Variants in TENM3 observed in about 807,000 individuals in gnomAD.
TENM3 encodes teneurin-3.
Under a neutral mutation model 255.1 loss-of-function variants are expected in TENM3, and 63 were observed. The observed-to-expected ratio is 0.25, with a 90% CI of 0.20 to 0.30. TENM3 has a LOEUF of 0.30. Among genes scored for constraint, TENM3 ranks in the 10% least tolerant of loss-of-function variants. TENM3 has a pLI of 1.00. For synonymous variants in TENM3, 1,306 were observed against 1,322.3 expected, an observed-to-expected ratio of 0.99 and a Z score of 0.27; for missense variants, 2,929 against 3,461.1, an observed-to-expected ratio of 0.85 and a Z score of 3.86.
At chr4:181,853,132 G>GA in the TENM3 span, among the ~76,000 whole-genome samples, 1 of 152,080 alleles carries the variant, frequency 6.6e-6, no homozygotes, top group African/African-American at 2.4e-5. Context: ...TTAGTGTTTA[G>GA]AAAAACTGAA....
At chr4:181,728,557 T>C in the TENM3 span, among the ~76,000 whole-genome samples, 2 of 152,186 alleles carry the variant, frequency 1.3e-5, no homozygotes, top group Non-Finnish European at 2.9e-5. Context: ...TAAACTGTCG[T>C]GGTGCTGGTG....
chr4:181,726,605 G>A, the TENM3 span, among the ~76,000 whole-genome samples: 1 of 152,162 alleles, frequency 6.6e-6, no homozygotes, highest in Admixed American at 6.5e-5. Context: ...TCACACCACA[G>A]CAATCAACAC....
chr4:182,726,807 C>G (rs1032646236), intron 13 of TENM3, among the ~76,000 whole-genome samples: 2 of 152,122 alleles, frequency 1.3e-5, no homozygotes, highest in African/African-American at 4.8e-5. Flanking sequence ...TGCTGACCTG[C>G]CTTTTAGACT....
chr4:182,052,535 T>C, the TENM3 span, among the ~76,000 whole-genome samples: 3 of 152,176 alleles, frequency 2.0e-5, no homozygotes, highest in Admixed American at 2.0e-4. Context: ...AGCAAGGTTG[T>C]ACCTTTTCCC....
chr4:181,665,567 T>G, the TENM3 span, among the ~76,000 whole-genome samples: 1 of 152,110 alleles, frequency 6.6e-6, no homozygotes. Context: ...ATACGGTGTG[T>G]GTATATATAC....
the TENM3 span, among the ~76,000 whole-genome samples, chr4:182,135,170 C>T: frequency 3.0e-5 from 4 of 131,748 alleles, no homozygotes; most frequent in Admixed American, 9.2e-5. Flanking sequence ...CACACCACTG[C>T]GCTCCAGCCT....
chr4:181,452,075 G>A, the TENM3 span, among the ~76,000 whole-genome samples: 23 of 152,108 alleles, frequency 1.5e-4, no homozygotes, highest in Non-Finnish European at 2.2e-4. Flanking sequence ...TGCTAAAAGC[G>A]CGGTGAGATG....
At chr4:182,679,046 C>T (rs1274204155) in intron 7 of TENM3, among the ~76,000 whole-genome samples, 1 of 152,070 alleles carries the variant, frequency 6.6e-6, no homozygotes, top group Non-Finnish European at 1.5e-5. Context: ...GAACATCACC[C>T]CAGGGCCTGT....
chr4:182,320,495 C>T (rs1210503162), intron 1 of TENM3, among the ~76,000 whole-genome samples: 2 of 152,142 alleles, frequency 1.3e-5, no homozygotes, highest in Non-Finnish European at 2.9e-5. Flanking sequence ...TCTGTGTGTG[C>T]CTGTATCCAA....
chr4:181,496,454 A>G, the TENM3 span, among the ~76,000 whole-genome samples: 1 of 152,338 alleles, frequency 6.6e-6, no homozygotes, highest in East Asian at 1.9e-4. Flanking sequence ...TAGCCCACAG[A>G]CCACATTTAA....
chr4:181,718,378 C>T, the TENM3 span, among the ~76,000 whole-genome samples: 1 of 152,182 alleles, frequency 6.6e-6, no homozygotes, highest in Non-Finnish European at 1.5e-5. Context: ...ATGAAAAATT[C>T]AGTCTACCTA....
At chr4:182,646,592 A>G (rs564551198) in intron 5 of TENM3, among the ~76,000 whole-genome samples, 1 of 152,184 alleles carries the variant, frequency 6.6e-6, no homozygotes, top group South Asian at 2.1e-4. Flanking sequence ...AAATAGAAAA[A>G]TTAGCTGGAT....
chr4:182,046,369 T>G, the TENM3 span, among the ~76,000 whole-genome samples: 1 of 152,134 alleles, frequency 6.6e-6, no homozygotes, highest in African/African-American at 2.4e-5. Flanking sequence ...AGACAAAATT[T>G]GATCAATCTA....
chr4:182,493,608 G>A (rs552980548), intron 3 of TENM3, among the ~76,000 whole-genome samples: 1 of 152,230 alleles, frequency 6.6e-6, no homozygotes, highest in East Asian at 1.9e-4. Context: ...TCAGCATTAT[G>A]TGATGTTGTG....
intron 19 of TENM3, among the ~76,000 whole-genome samples, chr4:182,747,657 A>G (rs999512627): frequency 1.3e-5 from 2 of 152,256 alleles, no homozygotes. Context: ...GCACTTAAAC[A>G]TGTAGAACTA....
At chr4:182,302,881 T>C (rs1167750997) in intron 1 of TENM3, among the ~76,000 whole-genome samples, 1 of 152,190 alleles carries the variant, frequency 6.6e-6, no homozygotes, top group African/African-American at 2.4e-5. Context: ...TTGAGACTCA[T>C]CACTTTGACT....
chr4:182,023,795 G>C, the TENM3 span, among the ~76,000 whole-genome samples: 1 of 152,136 alleles, frequency 6.6e-6, no homozygotes, highest in Non-Finnish European at 1.5e-5. Flanking sequence ...ATTTGTAGTA[G>C]GGTAATATAT....
chr4:181,674,367 T>C, the TENM3 span, among the ~76,000 whole-genome samples: 10 of 151,948 alleles, frequency 6.6e-5, no homozygotes. Context: ...TGTATCTAGC[T>C]TAAGTTTTCA....
chr4:181,646,711 G>A, the TENM3 span, among the ~76,000 whole-genome samples: 4 of 152,182 alleles, frequency 2.6e-5, no homozygotes, highest in African/African-American at 9.7e-5. Flanking sequence ...GGTTAGGACC[G>A]AGGCGCGTCT....
Sources: allele counts gnomAD v4.1 joint callset (sites outside exome capture counted in the v4.1 genomes callset), GRCh38; gene constraint gnomAD v4.1.1; transcripts MANE v1.5; gene names NCBI Gene and HGNC (gene_info 2026-07-23, HGNC 2026-07-21).